The following PAPSS1 variants were observed in gnomAD, a reference collection of about 807,000 sequenced individuals.
PAPSS1 encodes bifunctional 3'-phosphoadenosine 5'-phosphosulfate synthase 1.
PAPSS1 carries 50 observed loss-of-function variants against 72.0 expected under a neutral mutation model. The observed-to-expected ratio is 0.69, with a 90% CI of 0.55 to 0.88. The LOEUF is 0.88. Among genes scored for constraint, PAPSS1 ranks in the 40% least tolerant of loss-of-function variants. The pLI is 0.00. For missense variants in PAPSS1, 657 were observed against 782.2 expected (o/e 0.84, Z 1.91); for synonymous variants, 261 against 263.6 (o/e 0.99, Z 0.09).
intron 3 of PAPSS1, among the ~76,000 whole-genome samples, chr4:107,687,777 C>G (rs887259966): frequency 7.9e-5 from 12 of 152,162 alleles, no homozygotes; most frequent in African/African-American, 2.9e-4. Context: ...TTCTGGTCTT[C>G]AAAACCTGAT....
intron 5 of PAPSS1, among the ~76,000 whole-genome samples, chr4:107,669,550 C>T (rs1407375922): frequency 2.0e-5 from 3 of 152,164 alleles, no homozygotes; most frequent in South Asian, 2.1e-4. Context: ...CTGCCACATC[C>T]GCAGTGTCCA....
At chr4:107,716,841 T>C (rs1418397671) in intron 1 of PAPSS1, among the ~76,000 whole-genome samples, 1 of 152,240 alleles carries the variant, frequency 6.6e-6, no homozygotes, top group South Asian at 2.1e-4. Context: ...GACTACATTT[T>C]CCCATCTCTT....
At chr4:107,686,630 C>CT (rs1477535039) in intron 4 of PAPSS1, among the ~76,000 whole-genome samples, 1 of 152,158 alleles carries the variant, frequency 6.6e-6, no homozygotes, top group Non-Finnish European at 1.5e-5. Context: ...TAATAAAGTA[C>CT]AAGGCATTAT....
chr4:107,643,033 C>A (rs1726591305), intron 10 of PAPSS1, among the ~76,000 whole-genome samples: 1 of 152,172 alleles, frequency 6.6e-6, no homozygotes, highest in Non-Finnish European at 1.5e-5. Flanking sequence ...CCCAAACATC[C>A]ATCAACAATA....
intron 5 of PAPSS1, among the ~76,000 whole-genome samples, chr4:107,663,814 C>T (rs1384388831): frequency 6.6e-6 from 1 of 152,030 alleles, no homozygotes; most frequent in Non-Finnish European, 1.5e-5. Flanking sequence ...AATTGAAGTC[C>T]AAGAAATTAG....
At chr4:107,705,422 C>T (rs1723316526) in intron 1 of PAPSS1, among the ~76,000 whole-genome samples, 1 of 152,204 alleles carries the variant, frequency 6.6e-6, no homozygotes, top group Admixed American at 6.5e-5. Flanking sequence ...TCTCTCTCTC[C>T]TGCCACCATG....
At chr4:107,679,619 C>G (rs1727747368) in intron 5 of PAPSS1, among the ~76,000 whole-genome samples, 2 of 150,854 alleles carry the variant, frequency 1.3e-5, no homozygotes, top group African/African-American at 4.9e-5. Context: ...AGAGATATGA[C>G]AAAGAAATCT....
chr4:107,659,431 C>T (rs1282511657), intron 6 of PAPSS1, among the ~76,000 whole-genome samples: 1 of 152,110 alleles, frequency 6.6e-6, no homozygotes, highest in East Asian at 1.9e-4. Flanking sequence ...AATGATACAA[C>T]TTAAAATTCT....
rs1725882705 is a variant in PAPSS1, at chr4:107,618,599, G to GGA, written c.1737-4214_1737-4213dup. 1.3e-5 allele frequency among the ~76,000 whole-genome samples: 2 copies of GGA among 152,038 alleles called. 1 individual carries two copies. The highest frequency in any genetic ancestry group is 4.2e-4 in the South Asian group (2 of 4,804). ...AGGAAACAGAAGGTGGTGGGGGAGT[G>GGA]GAGAGAGACAGAAATGATTTGGTGT... On this transcript the variant is annotated intron_variant, in intron 11 of 11. Transcript: ENST00000265174.
At chr4:107,666,646 G>A (rs1184283620) in intron 5 of PAPSS1, among the ~76,000 whole-genome samples, 1 of 152,082 alleles carries the variant, frequency 6.6e-6, no homozygotes, top group Non-Finnish European at 1.5e-5. Context: ...ATTTTTCTTG[G>A]ACAATGAAAT....
chr4:107,701,994 C>CAAAA (rs1723216496), intron 1 of PAPSS1, among the ~76,000 whole-genome samples: 1 of 139,938 alleles, frequency 7.1e-6, no homozygotes, highest in African/African-American at 2.6e-5. Context: ...AAAAAAAAAG[C>CAAAA]ATAAAATTAC....
intron 1 of PAPSS1, among the ~76,000 whole-genome samples, chr4:107,704,574 T>C (rs1723287728): frequency 6.6e-6 from 1 of 152,236 alleles, no homozygotes; most frequent in African/African-American, 2.4e-5. Flanking sequence ...AATGAACTCT[T>C]TCAAATAATT....
At chr4:107,677,661 T>G (rs541433875) in intron 5 of PAPSS1, among the ~76,000 whole-genome samples, 4 of 152,204 alleles carry the variant, frequency 2.6e-5, no homozygotes, top group Admixed American at 2.6e-4. Context: ...AGAAATACCA[T>G]TGGACCCAAC....
chr4:107,614,293 A>G lies in PAPSS1; in HGVS notation c.1831T>C (p.Trp611Arg). 6.2e-7 allele frequency: 1 copy of G among 1,614,068 alleles called. No individual in the cohort carries two copies. The highest frequency in any genetic ancestry group is 8.5e-7 in the Non-Finnish European group (1 of 1,179,942). ...TTGTAGTATTCTGTCAGCACGGTCC[A>G]AGCCTTGGGAGCCATGAAACCTTCA... Reference protein sequence around the residue: ...PPEGFMAPKAWTVLTEYYKSL... With the variant: ...PPEGFMAPKARTVLTEYYKSL... The change falls in exon 12 of 12, where the codon TGG becomes CGG. Residue 611 changes from tryptophan (W) to arginine (R), a missense_variant. Transcript: ENST00000265174.
chr4:107,655,093 G>T (rs1726964792), intron 7 of PAPSS1, among the ~76,000 whole-genome samples, 193 bp from the exon 8 acceptor site: 1 of 135,276 alleles, frequency 7.4e-6, no homozygotes, highest in South Asian at 2.3e-4. Flanking sequence ...AATGAGCAAC[G>T]ATCTCCCAAG....
chr4:107,643,987 C>CATAGG (rs1267073624), intron 10 of PAPSS1, among the ~76,000 whole-genome samples: 1 of 152,106 alleles, frequency 6.6e-6, no homozygotes, highest in East Asian at 1.9e-4. Context: ...TGCACTCAAA[C>CATAGG]ATAGTATAGA....
At chr4:107,682,158 G>T in intron 4 of PAPSS1, 25 bp from the exon 5 acceptor site, 1 of 1,122,120 alleles carries the variant, frequency 8.9e-7, no homozygotes. Context: ...AGATAATAGA[G>T]TAGGGTGGAA....
chr4:107,630,537 G>A (rs1172882977), intron 11 of PAPSS1, among the ~76,000 whole-genome samples: 2 of 152,298 alleles, frequency 1.3e-5, no homozygotes, highest in East Asian at 1.9e-4. Context: ...ATGCAGAACC[G>A]TGAGTCAATT....
At position 107,654,855 on chromosome 4, in the gene PAPSS1, T is replaced by C. The variant is rs368478142; in HGVS notation, c.941A>G (p.His314Arg). 9 of 1,613,950 alleles carry C rather than the reference T, an allele frequency of 5.6e-6. No individual in the cohort carries two copies. The highest frequency in any genetic ancestry group is 7.6e-6 in the Non-Finnish European group (9 of 1,179,978). ...GCCGTCCAGCCTCTCTTTATCTTCA[T>C]GAGTCGCAGTCAGAACTATAGGTAC... ...LSVPIVLTAT[H>R]EDKERLDGCT... The change falls in exon 8 of 12, where the codon CAT (histidine) becomes CGT (arginine). Residue 314 changes from histidine (H) to arginine (R), a missense_variant. This residue lies in a region of PAPSS1 where 190 missense variants were observed against 176.7 expected (regional missense o/e 1.07). Transcript: ENST00000265174.
Sources: gnomAD v4.1 joint callset for allele counts (sites outside exome capture counted in the v4.1 genomes callset) on GRCh38, gnomAD v4.1.1 for gene constraint, gnomAD v4.1.1 regional missense constraint, MANE v1.5 for transcripts, NCBI Gene and HGNC (gene_info 2026-07-23, HGNC 2026-07-21) for gene names.